The following BAIAP2L2 variants were observed in gnomAD, a reference collection of about 807,000 sequenced individuals.
BAIAP2L2 encodes BAR/IMD domain containing adaptor protein 2 like 2, also known as BAR/IMD domain-containing adapter protein 2-like 2.
In BAIAP2L2, 65 loss-of-function variants were observed where a neutral mutation model predicts 60.4. The ratio of observed to expected loss-of-function variants is 1.08; its 90% CI spans 0.88 to 1.32. The LOEUF is 1.32. Among genes scored for constraint, BAIAP2L2 ranks in the 40% most tolerant of loss-of-function variants. BAIAP2L2 has a pLI of 0.00. For missense variants in BAIAP2L2, 836 were observed against 741.2 expected, an observed-to-expected ratio of 1.13 and a Z score of -1.48; for synonymous variants, 344 against 301.7, an observed-to-expected ratio of 1.14 and a Z score of -1.45.
chr22:38,108,476 G>A, intron 2 of BAIAP2L2, 135 bp from the exon 3 acceptor site: 1 of 664,866 alleles, frequency 1.5e-6, no homozygotes, highest in Non-Finnish European at 2.6e-6. Flanking sequence ...AGGAGGGTGT[G>A]ACCAGTTGAG....
rs933323987 is a variant in BAIAP2L2 at position 38,107,748 on chromosome 22, G to A, written c.276+104C>T. 7.3e-5 allele frequency: 81 copies of A among 1,114,596 alleles called. 1 individual carries two copies. In the Admixed American group the frequency reaches 1.1e-3, roughly 15 times the overall value. 69.0% of individuals were successfully genotyped at this position (1,114,596 alleles called of 1,614,324 possible). On this transcript the variant is annotated intron_variant, in intron 4 of 13. Coordinates refer to ENST00000381669, the MANE Select transcript of BAIAP2L2 (RefSeq NM_025045.6). Reference sequence around the variant, plus strand: ...GCCGGGTGCTGGGAAGGGCAGCCACGGTCATCCTCCCTGGGAAGGGCATCT... The same window carrying A: ...GCCGGGTGCTGGGAAGGGCAGCCACAGTCATCCTCCCTGGGAAGGGCATCT...
chr22:38,089,245 G>T lies in BAIAP2L2; in HGVS notation c.766-14C>A, dbSNP rs746544352. On this transcript the variant is annotated splice_polypyrimidine_tract_variant and intron_variant, in intron 8 of 13. Transcript: ENST00000381669. ...GGGCCTCGGGGGCTGCGGGGGAGATGGGCAGGGGAGGGTGGGGCGGGGGGG... is the reference window on the plus strand; with the variant it reads ...GGGCCTCGGGGGCTGCGGGGGAGATTGGCAGGGGAGGGTGGGGCGGGGGGG... 76 of 337,060 alleles carry T rather than the reference G, an allele frequency of 2.3e-4. No homozygotes were observed. The East Asian group carries it at 2.9e-3, about 13-fold the overall frequency. 20.9% of individuals were successfully genotyped at this position (337,060 alleles called of 1,614,324 possible).
rs147024311 is a variant in BAIAP2L2, at chr22:38,094,584, T to C, written c.612+2448A>G. 2.0e-4 allele frequency among the ~76,000 whole-genome samples: 30 copies of C among 152,268 alleles called. No homozygotes were observed. In the East Asian group the frequency reaches 5.4e-3, roughly 27 times the overall value. On this transcript the variant is annotated intron_variant, in intron 7 of 13. Coordinates refer to ENST00000381669, the MANE Select transcript of BAIAP2L2 (RefSeq NM_025045.6). ...TGTGAATATACTACAAACCAGAAAG[T>C]GTACACTGTAAATGGGTGAATCGTA...
chr22:38,101,371 TAAAAAAAAAAAA>T lies in BAIAP2L2; in HGVS notation c.277-2901_277-2890del, dbSNP rs529893934. Among the ~76,000 whole-genome samples the T allele has an allele frequency of 9.9e-3, 797 of 80,752 alleles. 19 individuals carry two copies. The highest frequency in any genetic ancestry group is 0.036 in the African/African-American group (651 of 17,910). The allele number at this position is 80,752 out of a possible 152,430, so 53.0% of individuals were successfully genotyped here. ...AACATAGTAAGATGCTGTCTCTACA[TAAAAAAAAAAAA>T]AAAAAAAAAAAAAAAAAGCCAGACG... On this transcript the variant is annotated intron_variant, in intron 4 of 13. Transcript: ENST00000381669.
At chr22:38,098,543 C>G (rs2086497921) in intron 4 of BAIAP2L2, 61 bp from the exon 5 acceptor site, 1 of 1,410,148 alleles carries the variant, frequency 7.1e-7, no homozygotes, top group South Asian at 1.2e-5. Flanking sequence ...GCCCCAGCAC[C>G]CCCTTGCACT....
chr22:38,108,049 T>C (rs2086702510), intron 3 of BAIAP2L2, 136 bp from the exon 4 acceptor site: 1 of 1,043,314 alleles, frequency 9.6e-7, no homozygotes, highest in South Asian at 1.5e-5. Flanking sequence ...ACTTCCCATA[T>C]GGTTCTCTGG....
At chr22:38,099,901 T>A (rs2086529440) in intron 4 of BAIAP2L2, among the ~76,000 whole-genome samples, 1 of 152,166 alleles carries the variant, frequency 6.6e-6, no homozygotes. Flanking sequence ...GCTGGCAATC[T>A]CCTCCCAATA....
intron 8 of BAIAP2L2, 78 bp downstream of exon 8, chr22:38,089,444 G>A (rs1274993970): frequency 1.2e-6 from 1 of 833,946 alleles, no homozygotes. Flanking sequence ...GGAGGCTCCA[G>A]GCTGGGGGCC....
At chr22:38,108,938 G>C (rs1474797579) in intron 2 of BAIAP2L2, among the ~76,000 whole-genome samples, 195 bp downstream of exon 2, 1 of 151,962 alleles carries the variant, frequency 6.6e-6, no homozygotes, top group Non-Finnish European at 1.5e-5. Flanking sequence ...GTGTGGACTG[G>C]GGTGCGTGGG....
At chr22:38,101,113 A>T (rs559359652) in intron 4 of BAIAP2L2, among the ~76,000 whole-genome samples, 3 of 152,278 alleles carry the variant, frequency 2.0e-5, no homozygotes, top group Non-Finnish European at 4.4e-5. Context: ...ATCTTATTGT[A>T]TGTAAACTTT....
intron 10 of BAIAP2L2, among the ~76,000 whole-genome samples, chr22:38,087,888 T>G: frequency 9.3e-6 from 1 of 107,156 alleles, no homozygotes; most frequent in Non-Finnish European, 1.9e-5. Flanking sequence ...ACCCAGTCAG[T>G]GACCCCCCCC....
At chr22:38,101,593 C>CCTGTAATCA (rs112132486) in intron 4 of BAIAP2L2, among the ~76,000 whole-genome samples, 56 of 141,756 alleles carry the variant, frequency 4.0e-4, no homozygotes, top group African/African-American at 1.4e-3. Context: ...GTGGCTCATG[C>CCTGTAATCA]CTGTAATCAC....
At chr22:38,106,536 A>G (rs959026816) in intron 4 of BAIAP2L2, among the ~76,000 whole-genome samples, 1 of 151,464 alleles carries the variant, frequency 6.6e-6, no homozygotes, top group African/African-American at 2.4e-5. Flanking sequence ...ATTAAAAAAA[A>G]AAAAAAAAAA....
intron 7 of BAIAP2L2, among the ~76,000 whole-genome samples, chr22:38,092,593 TTATAAA>T (rs2086331764): frequency 6.6e-6 from 1 of 152,154 alleles, no homozygotes; most frequent in African/African-American, 2.4e-5. Context: ...TGCCTTCTAC[TTATAAA>T]TAGAACAAGA....
intron 4 of BAIAP2L2, among the ~76,000 whole-genome samples, chr22:38,105,137 G>T (rs375382136): frequency 6.6e-6 from 1 of 152,008 alleles, no homozygotes; most frequent in African/African-American, 2.4e-5. Context: ...AAGACCCTCC[G>T]AAGGTGTCCC....
At chr22:38,101,371 TA>T (rs529893934) in intron 4 of BAIAP2L2, among the ~76,000 whole-genome samples, 12 of 80,748 alleles carry the variant, frequency 1.5e-4, no homozygotes, top group East Asian at 3.3e-4. Context: ...TGTCTCTACA[TA>T]AAAAAAAAAA....
chr22:38,109,648 C>A (rs1463772532), intron 1 of BAIAP2L2, among the ~76,000 whole-genome samples: 3 of 152,098 alleles, frequency 2.0e-5, no homozygotes, highest in Non-Finnish European at 4.4e-5. Flanking sequence ...AAGGGCAGCT[C>A]TCGCCCTCCT....
chr22:38,107,804 C>A (rs2086694866), intron 4 of BAIAP2L2, 48 bp downstream of exon 4: 30 of 1,568,034 alleles, frequency 1.9e-5, no homozygotes, highest in East Asian at 4.5e-5. Context: ...TGGAACATAG[C>A]CCACTTTCCT....
At position 38,088,875 on chromosome 22, in the gene BAIAP2L2, C is replaced by T. The variant is rs1301434905; in HGVS notation, c.991G>A (p.Ala331Thr). 3.1e-6 allele frequency: 5 copies of T among 1,590,732 alleles called. No individual in the cohort carries two copies. Among genetic ancestry groups the T allele is most frequent in the East Asian group, 2.2e-5 (1 of 44,480 alleles). The change falls in exon 10 of 14, where the codon GCC becomes ACC. Residue 331 changes from alanine to threonine, a missense_variant. Physicochemically the swap from Ala to Thr is moderately conservative, Grantham distance 58. Transcript: ENST00000381669. Reference sequence around the variant, plus strand: ...GCGCCCTCCGAGTGGGAGACCAGGGCGCGGACTCTCCTGGCGCCCCCGCCG... The same window carrying T: ...GCGCCCTCCGAGTGGGAGACCAGGGTGCGGACTCTCCTGGCGCCCCCGCCG... ...GGGGGARRVR[A>T]LVSHSEGANH...
Sources: allele counts gnomAD v4.1 joint callset (sites outside exome capture counted in the v4.1 genomes callset), GRCh38; gene constraint gnomAD v4.1.1; transcripts MANE v1.5; gene names NCBI Gene and HGNC (gene_info 2026-07-23, HGNC 2026-07-21).